The following IGSF9B variants were observed in gnomAD, a reference collection of about 807,000 sequenced individuals.
IGSF9B encodes immunoglobulin superfamily member 9B, also known as protein turtle homolog B.
A neutral mutation model predicts 143.7 loss-of-function variants in IGSF9B; 48 were observed. The ratio of observed to expected loss-of-function variants is 0.33; its 90% CI spans 0.26 to 0.42. The LOEUF (loss-of-function observed/expected upper bound fraction) is 0.42, where lower values mean the gene tolerates loss of function less well. Ranked by LOEUF, IGSF9B falls within the 20% of genes least tolerant of loss-of-function variation. IGSF9B has a pLI of 1.00. For missense variants in IGSF9B, 1,706 were observed against 1,980.0 expected, an observed-to-expected ratio of 0.86 and a Z score of 2.63; for synonymous variants, 903 against 833.1, an observed-to-expected ratio of 1.08 and a Z score of -1.44.
chr11:133,919,638 A>AC (rs764015820), intron 18 of IGSF9B, 104 bp downstream of exon 18: 1 of 763,480 alleles, frequency 1.3e-6, no homozygotes, highest in Non-Finnish European at 1.9e-6. Context: ...GCATGTCCGC[A>AC]CGAGCCCTGT....
At chr11:133,917,130 C>T (rs970536770) in intron 18 of IGSF9B, among the ~76,000 whole-genome samples, 4 of 152,302 alleles carry the variant, frequency 2.6e-5, no homozygotes, top group Middle Eastern at 3.4e-3. Context: ...GTCTCCTTCT[C>T]GCCTGGAAAG....
rs1939253206 is a variant in IGSF9B at position 133,908,839 on chromosome 11, T to G, written c.*230A>C. The G allele has an allele frequency of 1.9e-6, 1 of 531,348 alleles. No homozygotes were observed. Among genetic ancestry groups the G allele is most frequent in the Admixed American group, 3.3e-5 (1 of 30,548 alleles). 32.9% of individuals were successfully genotyped at this position (531,348 alleles called of 1,614,324 possible). ...GGGAGGAGACAGGTGTTGCCCAGTC[T>G]CCAATCCACTTCCTGACCTCGACCC... On this transcript the variant is annotated 3_prime_UTR_variant, in exon 20 of 20. Coordinates refer to ENST00000533871, the MANE Select transcript of IGSF9B (RefSeq NM_001277285.4).
chr11:133,915,143 G>A (rs1469685885), intron 18 of IGSF9B, among the ~76,000 whole-genome samples: 1 of 152,148 alleles, frequency 6.6e-6, no homozygotes, highest in Non-Finnish European at 1.5e-5. Flanking sequence ...ACGAACCCTG[G>A]GGCTCCCCTT....
intron 15 of IGSF9B, among the ~76,000 whole-genome samples, chr11:133,923,123 C>G (rs1424163476): frequency 6.6e-6 from 1 of 152,216 alleles, no homozygotes; most frequent in Non-Finnish European, 1.5e-5. Flanking sequence ...AATGAAAGAG[C>G]TCTGATCCAC....
At chr11:133,922,153 T>A in intron 17 of IGSF9B, 24 bp downstream of exon 17, 5 of 1,608,050 alleles carry the variant, frequency 3.1e-6, no homozygotes, top group Non-Finnish European at 4.3e-6. Context: ...ACAGCACAAT[T>A]CTCCCAGGAT....
Position 133,945,357 on chromosome 11 carries a change from A to G in IGSF9B, c.262+704T>C, listed in dbSNP as rs529795280. Among the ~76,000 whole-genome samples the G allele has an allele frequency of 2.0e-5, 3 of 152,354 alleles. No individual in the cohort carries two copies. Among genetic ancestry groups the G allele is most frequent in the African/African-American group, 7.2e-5 (3 of 41,588 alleles). ...GACAGAGACGGAAGCATTCTGAGAA[A>G]GGCAGGGCAGACCTCAGAAGCCACC... On this transcript the variant is annotated intron_variant, in intron 2 of 19. Coordinates refer to ENST00000533871, the MANE Select transcript of IGSF9B (RefSeq NM_001277285.4). The surrounding 1 kb of genome is among the most constrained non-coding windows in gnomAD (Gnocchi z 4.6).
rs1939023390 is a variant in IGSF9B, at chr11:133,896,723, T to TGGA, written c.*12343_*12345dup. ...TAGCAAGCCTGGAAATACCAGCGAG[T>TGGA]GGAGCCTGGCGTGGTAGCCTGAGCT... On this transcript the variant is annotated 3_prime_UTR_variant, in exon 20 of 20. Transcript: ENST00000533871. 1 of 152,140 alleles carries TGGA rather than the reference T, an allele frequency of 6.6e-6. No homozygotes were observed. Among genetic ancestry groups the TGGA allele is most frequent in the Non-Finnish European group, 1.5e-5 (1 of 68,046 alleles). The allele number at this position is 152,140 out of a possible 1,614,324, so 9.4% of individuals were successfully genotyped here.
At chr11:133,940,524 TGCAA>T (rs1939929819) in intron 3 of IGSF9B, among the ~76,000 whole-genome samples, 1 of 101,488 alleles carries the variant, frequency 9.9e-6, no homozygotes, top group South Asian at 3.5e-4. Context: ...CGTCATCACA[TGCAA>T]AAACACACAC....
In IGSF9B at chr11:133,902,568, C is replaced by CCACACACACACACACCCCA. The variant is rs1319763633; in HGVS notation, c.*6500_*6501insTGGGGTGTGTGTGTGTGTG. ...CACACACCACATACACACACACACC[C>CCACACACACACACACCCCA]CACACACACACACACACACCCCACT... On this transcript the variant is annotated 3_prime_UTR_variant, in exon 20 of 20. Coordinates refer to ENST00000533871, the MANE Select transcript of IGSF9B (RefSeq NM_001277285.4). 4.8e-5 allele frequency among the ~76,000 whole-genome samples: 7 copies of CCACACACACACACACCCCA among 145,090 alleles called. No individual in the cohort carries two copies. The highest frequency in any genetic ancestry group is 7.6e-5 in the Non-Finnish European group (5 of 65,612).
intron 1 of IGSF9B, among the ~76,000 whole-genome samples, chr11:133,947,146 G>A (rs1371875019): frequency 6.6e-6 from 1 of 151,860 alleles, no homozygotes; most frequent in Non-Finnish European, 1.5e-5. Flanking sequence ...GACCACCCCT[G>A]CCTCCACCCC....
At chr11:133,938,674 G>A (rs1003781302) in intron 3 of IGSF9B, among the ~76,000 whole-genome samples, 1 of 152,078 alleles carries the variant, frequency 6.6e-6, no homozygotes, top group Non-Finnish European at 1.5e-5. Context: ...TTAACCCCTT[G>A]GACTATCAGT....
At position 133,902,161 on chromosome 11, in the gene IGSF9B, C is replaced by G. The variant is rs1024493315; in HGVS notation, c.*6908G>C. Among the ~76,000 whole-genome samples the G allele has an allele frequency of 6.0e-5, 9 of 150,126 alleles. No homozygotes were observed. The highest frequency in any genetic ancestry group is 9.8e-5 in the African/African-American group (4 of 40,646). On this transcript the variant is annotated 3_prime_UTR_variant, in exon 20 of 20. Coordinates refer to ENST00000533871, the MANE Select transcript of IGSF9B (RefSeq NM_001277285.4). ...CACACCAAACACACCAGACACACCA[C>G]ACACACCAAACACACACACACCAAA...
chr11:133,946,946 CCG>C (rs1333932891), intron 1 of IGSF9B, among the ~76,000 whole-genome samples: 1 of 152,188 alleles, frequency 6.6e-6, no homozygotes, highest in Non-Finnish European at 1.5e-5. Flanking sequence ...GCCAGCCCTG[CCG>C]CAGAGGGGGG....
intron 7 of IGSF9B, among the ~76,000 whole-genome samples, chr11:133,933,637 A>G (rs969524478): frequency 1.3e-5 from 2 of 152,038 alleles, no homozygotes; most frequent in African/African-American, 2.4e-5. Context: ...AGTCCCAGCT[A>G]CTCTGGAAGT....
intron 3 of IGSF9B, among the ~76,000 whole-genome samples, chr11:133,938,349 C>T (rs1939863673): frequency 6.6e-6 from 1 of 152,176 alleles, no homozygotes; most frequent in Non-Finnish European, 1.5e-5. Flanking sequence ...TCAGCCAGGC[C>T]CCCGCGTTTC....
Position 133,902,570 on chromosome 11 carries a change from A to G in IGSF9B, c.*6499T>C, listed in dbSNP as rs199950071. On this transcript the variant is annotated 3_prime_UTR_variant, in exon 20 of 20. Transcript: ENST00000533871. ...CACACCACATACACACACACACCCC[A>G]CACACACACACACACACCCCACTTA... 2.7e-5 allele frequency among the ~76,000 whole-genome samples: 1 copy of G among 37,310 alleles called. No homozygotes were observed. The highest frequency in any genetic ancestry group is 7.7e-5 in the Non-Finnish European group (1 of 12,978). 24.5% of individuals were successfully genotyped at this position (37,310 alleles called of 152,430 possible).
At position 133,931,790 on chromosome 11, in the gene IGSF9B, G is replaced by A. The variant is rs374145432; in HGVS notation, c.1116C>T (p.Leu372=). The A allele has an allele frequency of 1.7e-5, 27 of 1,611,776 alleles. No homozygotes were observed. The highest frequency in any genetic ancestry group is 3.3e-4 in the Middle Eastern group (2 of 6,068). Residue 372 remains leucine (L), a synonymous_variant, in exon 9 of 20, where the codon CTC becomes CTT. Coordinates refer to ENST00000533871, the MANE Select transcript of IGSF9B (RefSeq NM_001277285.4). This position sits in a 1 kb window ranked among gnomAD's most constrained non-coding sequence, Gnocchi z 7.7. Reference sequence around the variant, plus strand: ...AGCCATCCTCCATCAGGGTCCAACCGAGGTTCTGCCAGACACAGACGATAG... The same window carrying A: ...AGCCATCCTCCATCAGGGTCCAACCAAGGTTCTGCCAGACACAGACGATAG... The part of the protein sequence containing the change: ...DGRPLQVEKN[L]GWTLMEDGSI...
chr11:133,956,959 C>G lies in IGSF9B; in HGVS notation c.-205G>C. On this transcript the variant is annotated 5_prime_UTR_variant, in exon 1 of 20. Transcript: ENST00000533871. ...CGCCTCCCCGGCCCCGGCGCAGCGGCACCTGCACTACTCGCCCGGGCGGAG... is the reference window on the plus strand; with the variant it reads ...CGCCTCCCCGGCCCCGGCGCAGCGGGACCTGCACTACTCGCCCGGGCGGAG... 4 of 377,032 alleles carry G rather than the reference C, an allele frequency of 1.1e-5. No individual in the cohort carries two copies. Among genetic ancestry groups the G allele is most frequent in the Non-Finnish European group, 1.9e-5 (4 of 211,240 alleles). 23.4% of individuals were successfully genotyped at this position (377,032 alleles called of 1,614,324 possible). A position where few individuals can be genotyped will look rare whatever the true frequency, so the allele number is the denominator to read the frequency against.
intron 1 of IGSF9B, among the ~76,000 whole-genome samples, chr11:133,954,943 C>T (rs1159028170): frequency 6.6e-6 from 1 of 152,198 alleles, no homozygotes; most frequent in Non-Finnish European, 1.5e-5. Flanking sequence ...TGCGATTCTG[C>T]GTGTTGCTGC....
Sources: allele counts gnomAD v4.1 joint callset (sites outside exome capture counted in the v4.1 genomes callset), GRCh38; gene constraint gnomAD v4.1.1; non-coding constraint Gnocchi (gnomAD v3.1); transcripts MANE v1.5; gene names NCBI Gene and HGNC (gene_info 2026-07-23, HGNC 2026-07-21).